C10orf67: variants seen among roughly 807,000 people sequenced by gnomAD.
C10orf67 encodes uncharacterized protein C10orf67, mitochondrial.
A neutral mutation model predicts 35.6 loss-of-function variants in C10orf67; 60 were observed. That is an observed-to-expected ratio of 1.68 (90% CI 1.37 to 2.09). The LOEUF (loss-of-function observed/expected upper bound fraction) is 2.09. Among genes scored for constraint, C10orf67 ranks in the 30% most tolerant of loss-of-function variants. The pLI, the probability that C10orf67 is intolerant of heterozygous loss-of-function variation, is 0.00. For missense variants in C10orf67, 474 were observed against 330.2 expected (o/e 1.44, Z -3.38); for synonymous variants, 167 against 115.8 (o/e 1.44, Z -2.84).
chr10:23,257,816 A>G (rs1842643834), intron 10 of C10orf67, among the ~76,000 whole-genome samples: 2 of 151,598 alleles, frequency 1.3e-5, no homozygotes, highest in South Asian at 2.1e-4. Context: ...TTTTTTAAAT[A>G]AAAGACTGTG....
intron 5 of C10orf67, among the ~76,000 whole-genome samples, chr10:23,296,196 G>A (rs1843875303): frequency 1.3e-5 from 2 of 149,952 alleles, no homozygotes; most frequent in Non-Finnish European, 3.0e-5. Flanking sequence ...TTTTTTTGCA[G>A]TTGCAAGATT....
At chr10:23,278,493 G>A (rs1843261226) in intron 8 of C10orf67, among the ~76,000 whole-genome samples, 1 of 152,162 alleles carries the variant, frequency 6.6e-6, no homozygotes, top group African/African-American at 2.4e-5. Context: ...TCTACTCCAT[G>A]AGGGCCACCA....
chr10:23,328,047 A>T (rs1845266394), intron 2 of C10orf67, among the ~76,000 whole-genome samples: 1 of 152,190 alleles, frequency 6.6e-6, no homozygotes, highest in Non-Finnish European at 1.5e-5. Flanking sequence ...GAAATGAACA[A>T]ATGAAAAATT....
At chr10:23,343,525 T>C (rs562038468) in intron 1 of C10orf67, among the ~76,000 whole-genome samples, 1 of 152,280 alleles carries the variant, frequency 6.6e-6, no homozygotes, top group South Asian at 2.1e-4. Flanking sequence ...CTAAGACGGG[T>C]ACTGTGTCCT....
At chr10:23,220,316 A>G (rs1841544733) in intron 15 of C10orf67, among the ~76,000 whole-genome samples, 1 of 152,216 alleles carries the variant, frequency 6.6e-6, no homozygotes, top group African/African-American at 2.4e-5. Context: ...GAGGACAGGT[A>G]GAGAGAGGAA....
Position 23,291,250 on chromosome 10 carries a change from T to G in C10orf67, c.732A>C (p.Pro244=). ...AATTTTCCTTTTCTAGGTTTGATTT[T>G]GGAGAGCTGGTTTCTTTGGCAAAAG... ...MESFAKETSS[P]KSNLEKENLE... The change falls in exon 6 of 16, where the codon CCA becomes CCC. Residue 244 remains proline (P), a synonymous_variant. Transcript: ENST00000636213. The G allele has an allele frequency of 1.4e-6, 1 of 716,480 alleles. No homozygotes were observed. Among genetic ancestry groups the G allele is most frequent in the Non-Finnish European group, 2.6e-6 (1 of 384,896 alleles). 44.4% of individuals were successfully genotyped at this position (716,480 alleles called of 1,614,324 possible).
chr10:23,343,596 T>C (rs1846001912), intron 1 of C10orf67, among the ~76,000 whole-genome samples: 1 of 152,184 alleles, frequency 6.6e-6, no homozygotes, highest in African/African-American at 2.4e-5. Context: ...TCATCATTCA[T>C]GAACGATTAT....
chr10:23,229,575 A>T (rs1278876729), intron 13 of C10orf67, among the ~76,000 whole-genome samples: 1 of 152,190 alleles, frequency 6.6e-6, no homozygotes, highest in East Asian at 1.9e-4. Flanking sequence ...TAGAACTTAA[A>T]GTATAATAAT....
At chr10:23,307,389 T>G (rs1844328101) in intron 4 of C10orf67, among the ~76,000 whole-genome samples, 1 of 152,126 alleles carries the variant, frequency 6.6e-6, no homozygotes, top group African/African-American at 2.4e-5. Context: ...TCAAAAGAGT[T>G]AGATTTGTAA....
chr10:23,289,709 T>C (rs1843656615), intron 7 of C10orf67, among the ~76,000 whole-genome samples, 191 bp downstream of exon 7: 2 of 152,212 alleles, frequency 1.3e-5, no homozygotes, highest in Admixed American at 6.5e-5. Flanking sequence ...GAAGTATCTA[T>C]ACATCCGTGA....
chr10:23,310,476 C>T (rs1331162965), intron 4 of C10orf67, among the ~76,000 whole-genome samples: 8 of 152,202 alleles, frequency 5.3e-5, no homozygotes, highest in Non-Finnish European at 1.2e-4. Context: ...TGACAGTAAC[C>T]TGCTGCCTTT....
chr10:23,250,929 C>T (rs909384242), intron 10 of C10orf67, among the ~76,000 whole-genome samples: 1 of 151,984 alleles, frequency 6.6e-6, no homozygotes. Flanking sequence ...GGGACCTTGT[C>T]TCTACAAAAA....
At chr10:23,289,046 G>A (rs540040747) in intron 7 of C10orf67, among the ~76,000 whole-genome samples, 19 of 152,256 alleles carry the variant, frequency 1.2e-4, no homozygotes, top group Admixed American at 2.6e-4. Flanking sequence ...GGAAGTTTGC[G>A]GATAAATGAG....
intron 4 of C10orf67, among the ~76,000 whole-genome samples, chr10:23,307,824 G>C (rs1481447294): frequency 6.6e-6 from 1 of 151,920 alleles, no homozygotes; most frequent in Non-Finnish European, 1.5e-5. Flanking sequence ...TTGCCACATT[G>C]CCCAGGCTGG....
intron 12 of C10orf67, among the ~76,000 whole-genome samples, chr10:23,250,023 A>C (rs1842407002): frequency 6.6e-6 from 1 of 152,240 alleles, no homozygotes; most frequent in African/African-American, 2.4e-5. Context: ...TATGTGAGTG[A>C]AAAATAGATT....
chr10:23,288,004 CTT>C (rs138613105), intron 7 of C10orf67, among the ~76,000 whole-genome samples: 1,974 of 152,292 alleles, frequency 0.013, 35 homozygotes, highest in African/African-American at 0.045. Context: ...AATAGGAACA[CTT>C]TTACACGTTA....
At chr10:23,306,496 C>A (rs1281392085) in intron 4 of C10orf67, among the ~76,000 whole-genome samples, 2 of 149,112 alleles carry the variant, frequency 1.3e-5, no homozygotes, top group Non-Finnish European at 3.0e-5. Flanking sequence ...TGCACTCCAG[C>A]CCAGCCTGGG....
At chr10:23,254,305 T>C (rs1182945523) in intron 10 of C10orf67, among the ~76,000 whole-genome samples, 1 of 152,144 alleles carries the variant, frequency 6.6e-6, no homozygotes. Context: ...CCTCCCAGGT[T>C]CAAGCAATTC....
intron 10 of C10orf67, among the ~76,000 whole-genome samples, chr10:23,260,392 A>G (rs1254190700): frequency 8.1e-6 from 1 of 123,014 alleles, no homozygotes; most frequent in Non-Finnish European, 1.8e-5. Flanking sequence ...GGAAGAGGGT[A>G]TATGACACCA....
Sources: allele counts gnomAD v4.1 joint callset (sites outside exome capture counted in the v4.1 genomes callset), GRCh38; gene constraint gnomAD v4.1.1; transcripts MANE v1.5; gene names NCBI Gene and HGNC (gene_info 2026-07-23, HGNC 2026-07-21).